Variants in BAG5 observed in about 807,000 individuals in gnomAD.
The protein encoded by BAG5 is BAG cochaperone 5.
BAG5 carries 25 observed loss-of-function variants against 31.8 expected under a neutral mutation model. The ratio of observed to expected loss-of-function variants is 0.79; its 90% CI spans 0.57 to 1.10. The LOEUF (loss-of-function observed/expected upper bound fraction) is 1.10. Among genes scored for constraint, BAG5 ranks in the 50% least tolerant of loss-of-function variants. BAG5 has a pLI of 0.00. For synonymous variants in BAG5, 208 were observed against 205.0 expected (o/e 1.01, Z -0.13); for missense variants, 491 against 527.9 (o/e 0.93, Z 0.68).
At position 103,562,093 on chromosome 14, in the gene BAG5, C is replaced by T. The variant is rs1261271574; in HGVS notation, c.-29+523G>A. On this transcript the variant is annotated intron_variant, in intron 1 of 1. Transcript: ENST00000299204. ...CCCCGCCTCGCCCTTCCCTCTTGGC[C>T]CTTTACCCAAAAGAAGTCTGAATTG... The T allele has an allele frequency of 4.4e-6, 4 of 904,492 alleles. No individual in the cohort carries two copies. The Admixed American group carries it at 5.4e-5, about 12-fold the overall frequency. The allele number at this position is 904,492 out of a possible 1,614,324, so 56.0% of individuals were successfully genotyped here.
At chr14:103,561,556 G>A (rs568953749) in intron 1 of BAG5, among the ~76,000 whole-genome samples, 2 of 152,094 alleles carry the variant, frequency 1.3e-5, no homozygotes, top group South Asian at 4.1e-4. Context: ...AACACTAACA[G>A]TACCCCGCCC....
chr14:103,561,819 G>C (rs2076077688), intron 1 of BAG5: 1 of 916,648 alleles, frequency 1.1e-6, no homozygotes. Context: ...GGGCTTTCGA[G>C]GCCCAACACC....
chr14:103,559,522 A>G lies in BAG5; in HGVS notation c.*299T>C. On this transcript the variant is annotated 3_prime_UTR_variant, in exon 2 of 2. Transcript: ENST00000299204. ...AGACCTGCATTTTAATGCTTGCACAACCCATTTAAAATCTACAAAAGCTGC... is the reference window on the plus strand; with the variant it reads ...AGACCTGCATTTTAATGCTTGCACAGCCCATTTAAAATCTACAAAAGCTGC... 9.9e-6 allele frequency: 3 copies of G among 303,940 alleles called. No homozygotes were observed. Among genetic ancestry groups the G allele is most frequent in the Non-Finnish European group, 1.9e-5 (3 of 162,008 alleles). The allele number at this position is 303,940 out of a possible 1,614,324, so 18.8% of individuals were successfully genotyped here.
intron 1 of BAG5, chr14:103,561,746 G>A (rs1057023133): frequency 1.5e-5 from 9 of 608,100 alleles, no homozygotes; most frequent in Non-Finnish European, 2.3e-5. Flanking sequence ...AAGTCTCCCT[G>A]AAGAGATTAA....
Position 103,560,973 on chromosome 14 carries a change from A to T in BAG5, c.192T>A (p.Ile64=). The T allele has an allele frequency of 6.2e-7, 1 of 1,614,202 alleles. No individual in the cohort carries two copies. The highest frequency in any genetic ancestry group is 1.1e-5 in the South Asian group (1 of 91,078). The change falls in exon 2 of 2, where the codon ATT becomes ATA. Residue 64 remains isoleucine, a synonymous_variant. Transcript: ENST00000299204. ...DSVDTEGKGD[I]QQARKRAAQE... ...GTGCTGCCCGCTTCCTAGCTTGCTG[A>T]ATATCTCCTTTTCCTTCAGTATCTA...
chr14:103,559,804 G>A lies in BAG5; in HGVS notation c.*17C>T. ...TATGAAGTGCAAAACAGTATCAAAA[G>A]TGAGATCTCTGGTATTTCAGTACTC... On this transcript the variant is annotated 3_prime_UTR_variant, in exon 2 of 2. Coordinates refer to ENST00000299204, the MANE Select transcript of BAG5 (RefSeq NM_001015048.3). 2 of 1,605,992 alleles carry A rather than the reference G, an allele frequency of 1.2e-6. No individual in the cohort carries two copies. Among genetic ancestry groups the A allele is most frequent in the South Asian group, 1.1e-5 (1 of 90,942 alleles).
rs1050750912 is a variant in BAG5 at position 103,558,989 on chromosome 14, A to G, written c.*832T>C. ...CAGTATTCATCCTCCAACTACAGGT[A>G]TGAGTGTTTCCTTTTTTTTTTTTTA... On this transcript the variant is annotated 3_prime_UTR_variant, in exon 2 of 2. Transcript: ENST00000299204. 1 of 135,974 alleles carries G rather than the reference A, an allele frequency of 7.4e-6. No homozygotes were observed. The highest frequency in any genetic ancestry group is 1.6e-5 in the Non-Finnish European group (1 of 62,068). The allele number at this position is 135,974 out of a possible 1,614,324, so 8.4% of individuals were successfully genotyped here.
rs544058555 is a variant in BAG5 at position 103,558,527 on chromosome 14, A to C, written c.*1294T>G. ...AGGCACTTCAGAACTTTGGGAAATC[A>C]TTTTGTACCGGATCCTCAGAAAGCA... On this transcript the variant is annotated 3_prime_UTR_variant, in exon 2 of 2. Coordinates refer to ENST00000299204, the MANE Select transcript of BAG5 (RefSeq NM_001015048.3). 1.3e-5 allele frequency: 2 copies of C among 152,236 alleles called. No individual in the cohort carries two copies. The highest frequency in any genetic ancestry group is 2.9e-5 in the Non-Finnish European group (2 of 68,042). 9.4% of individuals were successfully genotyped at this position (152,236 alleles called of 1,614,324 possible).
chr14:103,562,022 G>A (rs2076080961), intron 1 of BAG5: 3 of 1,590,702 alleles, frequency 1.9e-6, no homozygotes, highest in Non-Finnish European at 2.6e-6. Context: ...TATCCCCGGC[G>A]GATGTCCTGG....
chr14:103,561,074 T>C lies in BAG5; in HGVS notation c.91A>G (p.Ser31Gly). The change falls in exon 2 of 2, where the codon AGT becomes GGT. Residue 31 changes from serine (S) to glycine (G), a missense_variant. Physicochemically the swap from Ser to Gly is moderately conservative, Grantham distance 56. Coordinates refer to ENST00000299204, the MANE Select transcript of BAG5 (RefSeq NM_001015048.3). ...KSVEQQVIGF[S>G]GLSDDKNYKK... ...TAATTCTTGTCATCTGACAGACCAC[T>C]GAAGCCGATAACTTGCTGTTCTACA... 1 of 1,611,224 alleles carries C rather than the reference T, an allele frequency of 6.2e-7. No homozygotes were observed.
intron 1 of BAG5, chr14:103,561,852 AC>A: frequency 8.8e-6 from 11 of 1,255,574 alleles, no homozygotes; most frequent in Admixed American, 1.8e-5. Context: ...AACATGCTCC[AC>A]TCTCTCAAAA....
At position 103,558,261 on chromosome 14, in the gene BAG5, G is replaced by C. The variant is rs981148946; in HGVS notation, c.*1560C>G. The C allele has an allele frequency of 6.6e-6, 1 of 152,204 alleles. No individual in the cohort carries two copies. The highest frequency in any genetic ancestry group is 2.4e-5 in the African/African-American group (1 of 41,456). 9.4% of individuals were successfully genotyped at this position (152,204 alleles called of 1,614,324 possible). On this transcript the variant is annotated 3_prime_UTR_variant, in exon 2 of 2. Coordinates refer to ENST00000299204, the MANE Select transcript of BAG5 (RefSeq NM_001015048.3). ...TTTTCATGATTGGGAAATACTGAGAGACAAGCTGAAGATTTGTTAAGGGCT... is the reference window on the plus strand; with the variant it reads ...TTTTCATGATTGGGAAATACTGAGACACAAGCTGAAGATTTGTTAAGGGCT...
Position 103,561,103 on chromosome 14 carries a change from T to C in BAG5, c.62A>G (p.Lys21Arg). Residue 21 changes from lysine to arginine, a missense_variant, in exon 2 of 2, where the codon AAA becomes AGA. Transcript: ENST00000299204. ...GCCGATAACTTGCTGTTCTACACTT[T>C]TTACTTCCTTTTGGATTTCCTGAAG... ...SRLQEIQKEVKSVEQQVIGFS... is the reference protein window; with the variant it reads ...SRLQEIQKEVRSVEQQVIGFS... 1.9e-6 allele frequency: 3 copies of C among 1,605,746 alleles called. No individual in the cohort carries two copies. Among genetic ancestry groups the C allele is most frequent in the Non-Finnish European group, 2.5e-6 (3 of 1,179,996 alleles).
Position 103,559,770 on chromosome 14 carries a change from A to G in BAG5, c.*51T>C. ...AATGAACTGAAAGCTCTCTATACATAGAAGCACATATGAAGTGCAAAACAG... is the reference window on the plus strand; with the variant it reads ...AATGAACTGAAAGCTCTCTATACATGGAAGCACATATGAAGTGCAAAACAG... On this transcript the variant is annotated 3_prime_UTR_variant, in exon 2 of 2. Transcript: ENST00000299204. 6.4e-7 allele frequency: 1 copy of G among 1,564,044 alleles called. No individual in the cohort carries two copies. The highest frequency in any genetic ancestry group is 8.7e-7 in the Non-Finnish European group (1 of 1,153,452).
Position 103,561,340 on chromosome 14 carries a change from CAGT to C in BAG5, c.-28-151_-28-149del, listed in dbSNP as rs1240606326. 28 of 741,160 alleles carry C rather than the reference CAGT, an allele frequency of 3.8e-5. No homozygotes were observed. In the East Asian group the frequency reaches 6.9e-4, roughly 18 times the overall value. The allele number at this position is 741,160 out of a possible 1,614,324, so 45.9% of individuals were successfully genotyped here. Reference sequence around the variant, plus strand: ...TCAGCCTCCCCAGTAGCTGGGTCTACAGTCGTACACCACTACGCCCAGCTAATG... The same window carrying C: ...TCAGCCTCCCCAGTAGCTGGGTCTACCGTACACCACTACGCCCAGCTAATG... On this transcript the variant is annotated intron_variant, in intron 1 of 1. Coordinates refer to ENST00000299204, the MANE Select transcript of BAG5 (RefSeq NM_001015048.3).
At position 103,560,956 on chromosome 14, in the gene BAG5, C is replaced by T. The variant is rs879198218; in HGVS notation, c.209G>A (p.Arg70Gln). ...GKGDIQQARK[R>Q]AAQETERLLK... ...AAGACGTTCTGTCTCCTGTGCTGCC[C>T]GCTTCCTAGCTTGCTGAATATCTCC... is the stretch of plus-strand genomic sequence containing the variant. The change falls in exon 2 of 2, where the codon CGG (arginine) becomes CAG (glutamine). Residue 70 changes from arginine to glutamine, a missense_variant. Transcript: ENST00000299204. 5 of 1,614,028 alleles carry T rather than the reference C, an allele frequency of 3.1e-6. No homozygotes were observed. Among genetic ancestry groups the T allele is most frequent in the East Asian group, 4.5e-5 (2 of 44,906 alleles).
rs756076256 is a variant in BAG5 at position 103,560,647 on chromosome 14, A to G, written c.518T>C (p.Leu173Pro). 6.2e-7 allele frequency: 1 copy of G among 1,614,194 alleles called. No homozygotes were observed. The highest frequency in any genetic ancestry group is 1.1e-5 in the South Asian group (1 of 91,082). ...AGGATGTGCATCCTCGGAAAGCGGC[A>G]GGGAAGGCTGCTTTTTCATGCAGTC... The part of the protein sequence containing the change: ...IEDCMKKQPS[L>P]PLSEDAHPSV... The change falls in exon 2 of 2, where the codon CTG (leucine) becomes CCG (proline). Residue 173 changes from leucine to proline, a missense_variant. Transcript: ENST00000299204.
chr14:103,560,717 A>G lies in BAG5; in HGVS notation c.448T>C (p.Tyr150His), dbSNP rs2076066332. ...GCACAGATTTTGGTTAAAGTGTGAT[A>G]CCTTGCTTTCCGCAAGGAGATTTTT... ...GGKISLRKAR[Y>H]HTLTKICAVQ... The change falls in exon 2 of 2, where the codon TAT becomes CAT. Residue 150 changes from tyrosine to histidine, a missense_variant. Coordinates refer to ENST00000299204, the MANE Select transcript of BAG5 (RefSeq NM_001015048.3). The G allele has an allele frequency of 6.2e-7, 1 of 1,613,974 alleles. No homozygotes were observed. The highest frequency in any genetic ancestry group is 8.5e-7 in the Non-Finnish European group (1 of 1,180,012).
intron 1 of BAG5, chr14:103,562,068 C>A: frequency 9.3e-7 from 1 of 1,072,532 alleles, no homozygotes. Flanking sequence ...GCTGCTTCCT[C>A]CCCGCCTCGC....
Sources: gnomAD v4.1 joint callset for allele counts (sites outside exome capture counted in the v4.1 genomes callset) on GRCh38, gnomAD v4.1.1 for gene constraint, MANE v1.5 for transcripts, NCBI Gene and HGNC (gene_info 2026-07-23, HGNC 2026-07-21) for gene names.